The following RICTOR variants were observed in gnomAD, a reference collection of about 807,000 sequenced individuals.
RICTOR encodes RPTOR independent companion of MTOR complex 2.
Under a neutral mutation model 214.9 loss-of-function variants are expected in RICTOR, and 49 were observed. That is an observed-to-expected ratio of 0.23 (90% CI 0.18 to 0.29). The LOEUF is 0.29. RICTOR is among the 10% of genes least tolerant of loss of function. The pLI is 1.00. For synonymous variants in RICTOR, 717 were observed against 711.3 expected (o/e 1.01, Z -0.13); for missense variants, 1,625 against 2,047.0 (o/e 0.79, Z 3.98).
At chr5:39,069,199 T>A (rs1451803551) in intron 2 of RICTOR, among the ~76,000 whole-genome samples, 2 of 152,208 alleles carry the variant, frequency 1.3e-5, no homozygotes, top group African/African-American at 4.8e-5. Flanking sequence ...GAGTTTTGCT[T>A]ACAAGACTTT....
intron 7 of RICTOR, among the ~76,000 whole-genome samples, chr5:38,989,042 C>T (rs1752386965): frequency 6.6e-6 from 1 of 152,028 alleles, no homozygotes; most frequent in African/African-American, 2.4e-5. Context: ...CAAAAAAGAC[C>T]CCATATAGCC....
intron 2 of RICTOR, among the ~76,000 whole-genome samples, chr5:39,054,064 G>A (rs11740384): frequency 0.62 from 94,242 of 151,862 alleles, 29,306 homozygotes; most frequent in African/African-American, 0.66. Context: ...CCTGGGCTAC[G>A]GTGTGAGACT....
intron 9 of RICTOR, 31 bp from the exon 10 acceptor site, chr5:38,975,635 T>A (rs1225843471): frequency 2.6e-6 from 4 of 1,555,412 alleles, no homozygotes; most frequent in Non-Finnish European, 3.5e-6. Context: ...GCGGGGAGAA[T>A]CAATGAAATA....
intron 2 of RICTOR, among the ~76,000 whole-genome samples, chr5:39,036,026 A>C (rs1383029218): frequency 6.6e-6 from 1 of 152,222 alleles, no homozygotes; most frequent in African/African-American, 2.4e-5. Flanking sequence ...AGATTCACCA[A>C]AGTTGAAATG....
Position 38,981,900 on chromosome 5 carries a change from A to G in RICTOR, c.720T>C (p.Thr240=), listed in dbSNP as rs765552474. 1.2e-6 allele frequency: 2 copies of G among 1,612,810 alleles called. No individual in the cohort carries two copies. Among genetic ancestry groups the G allele is most frequent in the Non-Finnish European group, 1.7e-6 (2 of 1,179,006 alleles). ...CTACATCAGCTCGCACATACTGTCG[A>G]GTCTTTGGATGATTAAGAAGGTGCA... ...TILHLLNHPK[T]RQYVRADVEL... Residue 240 remains threonine (T), a synonymous_variant, in exon 8 of 38, where the codon ACT becomes ACC. Coordinates refer to ENST00000357387, the MANE Select transcript of RICTOR (RefSeq NM_152756.5).
At chr5:38,996,659 A>G (rs755966672) in intron 6 of RICTOR, among the ~76,000 whole-genome samples, 160 bp downstream of exon 6, 13 of 152,228 alleles carry the variant, frequency 8.5e-5, no homozygotes, top group Non-Finnish European at 1.8e-4. Context: ...TGTTTACCTC[A>G]AAGTTTAATG....
chr5:39,039,635 C>T (rs1487826118), intron 2 of RICTOR, among the ~76,000 whole-genome samples: 1 of 152,094 alleles, frequency 6.6e-6, no homozygotes, highest in African/African-American at 2.4e-5. Context: ...AAACAAACAA[C>T]CCCATCAAAA....
intron 5 of RICTOR, among the ~76,000 whole-genome samples, chr5:39,000,660 A>G (rs1461992291): frequency 6.6e-6 from 1 of 152,016 alleles, no homozygotes; most frequent in Non-Finnish European, 1.5e-5. Flanking sequence ...GAAAAAGATA[A>G]AGATTGGAAA....
At chr5:38,973,298 C>T (rs1750938466) in intron 10 of RICTOR, among the ~76,000 whole-genome samples, 1 of 152,060 alleles carries the variant, frequency 6.6e-6, no homozygotes, top group Admixed American at 6.5e-5. Flanking sequence ...AAATCAGGAC[C>T]ATAAACAGAC....
At chr5:38,961,106 C>A (rs1398307878) in intron 19 of RICTOR, among the ~76,000 whole-genome samples, 1 of 149,972 alleles carries the variant, frequency 6.7e-6, no homozygotes, top group Non-Finnish European at 1.5e-5. Context: ...ACATTTCATA[C>A]CAAAAAAAAC....
intron 37 of RICTOR, 135 bp downstream of exon 37, chr5:38,942,698 C>A: frequency 1.5e-6 from 1 of 682,330 alleles, no homozygotes; most frequent in Non-Finnish European, 2.5e-6. Flanking sequence ...TCAAGCAATT[C>A]TCCCGCGCTG....
intron 2 of RICTOR, among the ~76,000 whole-genome samples, chr5:39,062,651 T>G (rs1460093120): frequency 2.0e-5 from 3 of 152,082 alleles, no homozygotes; most frequent in African/African-American, 7.2e-5. Flanking sequence ...TAAATACACT[T>G]TTATCTGACA....
rs373819117 is a variant in RICTOR, at chr5:38,994,139, G to A, written c.456+2680C>T. Among the ~76,000 whole-genome samples the A allele has an allele frequency of 5.6e-3, 857 of 151,964 alleles. 8 individuals carry two copies. The highest frequency in any genetic ancestry group is 0.02 in the African/African-American group (820 of 41,460). On this transcript the variant is annotated intron_variant, in intron 6 of 37. Transcript: ENST00000357387. ...CGGGAGGTGGAGCTTGCAGTGAGCC[G>A]AGATTGCACCACTGCACTCCAGCCT...
Position 38,939,175 on chromosome 5 carries a change from ATT to A in RICTOR, c.*3127_*3128del. The A allele has an allele frequency of 4.3e-6, 1 of 233,000 alleles. No homozygotes were observed. The highest frequency in any genetic ancestry group is 8.5e-6 in the Non-Finnish European group (1 of 117,626). 14.4% of individuals were successfully genotyped at this position (233,000 alleles called of 1,614,324 possible). A position where few individuals can be genotyped will look rare whatever the true frequency, so the allele number is the denominator to read the frequency against. ...AAAGGCATCCTCTGAATGGAATAAC[ATT>A]TTATATAAATAGCAGTAGGAAAATG... On this transcript the variant is annotated 3_prime_UTR_variant, in exon 38 of 38. Transcript: ENST00000357387.
intron 1 of RICTOR, 46 bp downstream of exon 1, chr5:39,074,283 G>A (rs2150230279): frequency 6.4e-7 from 1 of 1,569,110 alleles, no homozygotes; most frequent in South Asian, 1.2e-5. Flanking sequence ...AGTGCCAGGG[G>A]TGGCGGGCGC....
At chr5:38,977,151 G>A (rs917674741) in intron 9 of RICTOR, among the ~76,000 whole-genome samples, 4 of 152,150 alleles carry the variant, frequency 2.6e-5, no homozygotes, top group African/African-American at 9.7e-5. Context: ...GCCTCTAGAA[G>A]GTGAAAGTAG....
intron 2 of RICTOR, among the ~76,000 whole-genome samples, chr5:39,071,677 T>G (rs910724401): frequency 1.3e-5 from 2 of 152,228 alleles, no homozygotes; most frequent in Non-Finnish European, 1.5e-5. Context: ...CCAGAATGAT[T>G]TGACTTTATA....
chr5:39,026,521 TG>T (rs1755834159), intron 2 of RICTOR, among the ~76,000 whole-genome samples: 1 of 152,158 alleles, frequency 6.6e-6, no homozygotes, highest in African/African-American at 2.4e-5. Context: ...TGAATCTCTC[TG>T]GAAGTAATGC....
chr5:39,030,186 G>C (rs1252428423), intron 2 of RICTOR, among the ~76,000 whole-genome samples: 1 of 151,920 alleles, frequency 6.6e-6, no homozygotes, highest in Non-Finnish European at 1.5e-5. Context: ...AATTTGTTTT[G>C]CTTATATAAC....
Sources: gnomAD v4.1 joint callset for allele counts (sites outside exome capture counted in the v4.1 genomes callset) on GRCh38, gnomAD v4.1.1 for gene constraint, MANE v1.5 for transcripts, NCBI Gene and HGNC (gene_info 2026-07-23, HGNC 2026-07-21) for gene names.